The following PLEKHO1 variants were observed in gnomAD, a reference collection of about 807,000 sequenced individuals.
PLEKHO1 encodes the protein pleckstrin homology domain-containing family O member 1.
In PLEKHO1, 22 loss-of-function variants were observed where a neutral mutation model predicts 41.4. The observed-to-expected ratio is 0.53, with a 90% CI of 0.38 to 0.76. The LOEUF is 0.76. PLEKHO1 is among the 30% of genes least tolerant of loss of function. The pLI is 0.00. For synonymous variants in PLEKHO1, 225 were observed against 210.8 expected, an observed-to-expected ratio of 1.07 and a Z score of -0.58; for missense variants, 488 against 518.3, an observed-to-expected ratio of 0.94 and a Z score of 0.57.
intron 2 of PLEKHO1, chr1:150,153,912 G>A (rs1224215228): frequency 1.3e-5 from 2 of 151,640 alleles, no homozygotes; most frequent in African/African-American, 2.4e-5. Context: ...AATTAGATAT[G>A]TGGGGAAAAA....
Position 150,150,980 on chromosome 1 carries a change from G to A in PLEKHO1, c.99G>A (p.Gly33=), listed in dbSNP as rs1401921764. 3 of 1,614,088 alleles carry A rather than the reference G, an allele frequency of 1.9e-6. No individual in the cohort carries two copies. Among genetic ancestry groups the A allele is most frequent in the Non-Finnish European group, 2.5e-6 (3 of 1,180,018 alleles). ...EKVGWVRKFC[G]KGIFREIWKN... is the part of the protein sequence containing the mutation. ...TCGGCTGGGTCCGGAAATTCTGCGG[G>A]AAAGGGATTTTCAGGGAGATTTGGA... The change falls in exon 2 of 6, where the codon GGG becomes GGA. Residue 33 remains glycine, a synonymous_variant. Transcript: ENST00000369124.
Position 150,150,929 on chromosome 1 carries a change from C to T in PLEKHO1, c.48C>T (p.Asn16=). 2 of 1,613,996 alleles carry T rather than the reference C, an allele frequency of 1.2e-6. No individual in the cohort carries two copies. Among genetic ancestry groups the T allele is most frequent in the Non-Finnish European group, 1.7e-6 (2 of 1,179,850 alleles). ...NSAKRGPQDG[N]QQPAPPEKVG... ...TGGGGCAGGGACCTCAGGATGGAAA[C>T]CAGCAGCCTGCACCGCCCGAGAAGG... The change falls in exon 2 of 6, where the codon AAC becomes AAT. Residue 16 remains asparagine (N), a synonymous_variant. Coordinates refer to ENST00000369124, the MANE Select transcript of PLEKHO1 (RefSeq NM_016274.6).
chr1:150,158,346 T>C (rs1416745484), intron 5 of PLEKHO1, among the ~76,000 whole-genome samples: 1 of 152,094 alleles, frequency 6.6e-6, no homozygotes, highest in Non-Finnish European at 1.5e-5. Flanking sequence ...CAAGTCACTA[T>C]CAAAGGAATA....
At chr1:150,158,789 T>C (rs1553821016) in intron 5 of PLEKHO1, 30 bp from the exon 6 acceptor site, 2 of 1,481,120 alleles carry the variant, frequency 1.4e-6, no homozygotes, top group Non-Finnish European at 1.9e-6. Context: ...TGATGACAGG[T>C]TCCCCACTCA....
Position 150,159,193 on chromosome 1 carries a change from C to G in PLEKHO1, c.900C>G (p.Pro300=). The G allele has an allele frequency of 6.2e-7, 1 of 1,613,878 alleles. No homozygotes were observed. The highest frequency in any genetic ancestry group is 8.5e-7 in the Non-Finnish European group (1 of 1,179,878). The change falls in exon 6 of 6, where the codon CCC becomes CCG. Residue 300 remains proline, a synonymous_variant. Transcript: ENST00000369124. ...AGGAACCCCCAACCCCTGCCCTCCCCAACCCGGGGCAGCTGTCCCGGATCC... is the reference window on the plus strand; with the variant it reads ...AGGAACCCCCAACCCCTGCCCTCCCGAACCCGGGGCAGCTGTCCCGGATCC... The part of the protein sequence containing the change: ...RAEEPPTPAL[P]NPGQLSRIQD...
intron 3 of PLEKHO1, 92 bp downstream of exon 3, chr1:150,156,298 A>G (rs1216377834): frequency 7.3e-6 from 8 of 1,099,994 alleles, no homozygotes; most frequent in East Asian, 2.5e-5. Context: ...TCTCTCAGCA[A>G]TCTTGGTTCA....
rs987493586 is a variant in PLEKHO1, at chr1:150,159,605, A to C, written c.*82A>C. On this transcript the variant is annotated 3_prime_UTR_variant, in exon 6 of 6. Coordinates refer to ENST00000369124, the MANE Select transcript of PLEKHO1 (RefSeq NM_016274.6). ...TGGATAAAGCTTTTTTATTTACCTC[A>C]ATCAAAAAAAGAAAACAAAAATGAA... 1 of 948,056 alleles carries C rather than the reference A, an allele frequency of 1.1e-6. No individual in the cohort carries two copies. Among genetic ancestry groups the C allele is most frequent in the African/African-American group, 1.7e-5 (1 of 60,324 alleles). The allele number at this position is 948,056 out of a possible 1,614,324, so 58.7% of individuals were successfully genotyped here. A position where few individuals can be genotyped will look rare whatever the true frequency, so the allele number is the denominator to read the frequency against.
At position 150,150,160 on chromosome 1, in the gene PLEKHO1, C is replaced by T. The variant is rs1476740071; in HGVS notation, c.-98C>T. Reference sequence around the variant, plus strand: ...AGGAGCGGCGGCGCCGGGGCAGCTCCGACGCCCTCCCGCGGGGAAGGAGCC... The same window carrying T: ...AGGAGCGGCGGCGCCGGGGCAGCTCTGACGCCCTCCCGCGGGGAAGGAGCC... On this transcript the variant is annotated 5_prime_UTR_variant, in exon 1 of 6. Transcript: ENST00000369124. The T allele has an allele frequency of 7.1e-6, 3 of 422,586 alleles. No individual in the cohort carries two copies. Among genetic ancestry groups the T allele is most frequent in the Admixed American group, 6.2e-5 (1 of 16,006 alleles). The allele number at this position is 422,586 out of a possible 1,614,324, so 26.2% of individuals were successfully genotyped here. A position where few individuals can be genotyped will look rare whatever the true frequency, so the allele number is the denominator to read the frequency against.
Position 150,150,212 on chromosome 1 carries a change from C to G in PLEKHO1, c.-46C>G. 1 of 999,808 alleles carries G rather than the reference C, an allele frequency of 1.0e-6. No individual in the cohort carries two copies. The highest frequency in any genetic ancestry group is 4.2e-5 in the South Asian group (1 of 23,536). 61.9% of individuals were successfully genotyped at this position (999,808 alleles called of 1,614,324 possible). The stretch of plus-strand genomic sequence containing the variant: ...CCGCGGTGCCGCCGAGGCCCCGACG[C>G]GGGGCCGCCCCTCGGCTCGCCGCCC... On this transcript the variant is annotated 5_prime_UTR_variant, in exon 1 of 6. Coordinates refer to ENST00000369124, the MANE Select transcript of PLEKHO1 (RefSeq NM_016274.6).
intron 2 of PLEKHO1, among the ~76,000 whole-genome samples, chr1:150,151,437 C>T (rs1262171987): frequency 2.6e-5 from 4 of 152,152 alleles, no homozygotes; most frequent in African/African-American, 9.7e-5. Flanking sequence ...CCTTCCTGTC[C>T]CCCCACCTTA....
intron 4 of PLEKHO1, 87 bp from the exon 5 acceptor site, chr1:150,157,298 G>T (rs782761684): frequency 3.1e-6 from 3 of 977,008 alleles, no homozygotes; most frequent in South Asian, 2.6e-5. Context: ...GCAGTGAATG[G>T]AGTGGGCACA....
chr1:150,157,342 G>T, intron 4 of PLEKHO1, 43 bp from the exon 5 acceptor site: 1 of 1,432,146 alleles, frequency 7.0e-7, no homozygotes, highest in Non-Finnish European at 9.9e-7. Flanking sequence ...TTGGGACAGC[G>T]AGTCGCTGAA....
rs200433196 is a variant in PLEKHO1, at chr1:150,157,375, A to G, written c.424-10A>G. 13 of 1,601,220 alleles carry G rather than the reference A, an allele frequency of 8.1e-6. No individual in the cohort carries two copies. The highest frequency in any genetic ancestry group is 3.4e-4 in the Middle Eastern group (2 of 5,968). On this transcript the variant is annotated splice_polypyrimidine_tract_variant and intron_variant, in intron 4 of 5. Transcript: ENST00000369124. ...GAAGAGCACTCATGATTCACAGTACATCTCTTCAGGTCACCGTTGAGGAGG... is the reference window on the plus strand; with the variant it reads ...GAAGAGCACTCATGATTCACAGTACGTCTCTTCAGGTCACCGTTGAGGAGG...
chr1:150,159,729 C>G lies in PLEKHO1; in HGVS notation c.*206C>G, dbSNP rs1448782140. 3.1e-5 allele frequency: 15 copies of G among 486,374 alleles called. No individual in the cohort carries two copies. The Middle Eastern group carries it at 1.6e-3, about 53-fold the overall frequency. 30.1% of individuals were successfully genotyped at this position (486,374 alleles called of 1,614,324 possible). A position where few individuals can be genotyped will look rare whatever the true frequency, so the allele number is the denominator to read the frequency against. ...TGCCCCTCAGGTTTGAGGAAGTGAC[C>G]CCGCAGCAGTAGCAGGAAGTTTTTA... On this transcript the variant is annotated 3_prime_UTR_variant, in exon 6 of 6. Coordinates refer to ENST00000369124, the MANE Select transcript of PLEKHO1 (RefSeq NM_016274.6).
chr1:150,153,387 CTA>C (rs1311328869), intron 2 of PLEKHO1: 1 of 152,096 alleles, frequency 6.6e-6, no homozygotes, highest in African/African-American at 2.4e-5. Context: ...TGGGGTCTCA[CTA>C]TGTTTCCCAG....
At chr1:150,154,320 C>G (rs1307190685) in intron 2 of PLEKHO1, 2 of 152,284 alleles carry the variant, frequency 1.3e-5, no homozygotes, top group Non-Finnish European at 2.9e-5. Flanking sequence ...GCACCTTGTC[C>G]TACTTCCACC....
chr1:150,159,781 T>G lies in PLEKHO1; in HGVS notation c.*258T>G, dbSNP rs1434560208. 4.9e-6 allele frequency: 2 copies of G among 410,846 alleles called. No homozygotes were observed. The highest frequency in any genetic ancestry group is 4.4e-6 in the Non-Finnish European group (1 of 225,838). 25.5% of individuals were successfully genotyped at this position (410,846 alleles called of 1,614,324 possible). On this transcript the variant is annotated 3_prime_UTR_variant, in exon 6 of 6. Transcript: ENST00000369124. ...CCAGCCAGAGAGAGAGAAGGCACGG[T>G]AAAGACACAGTCTGACCACTCCACA...
intron 2 of PLEKHO1, among the ~76,000 whole-genome samples, chr1:150,152,219 A>C (rs1659965653): frequency 1.3e-5 from 2 of 152,240 alleles, no homozygotes; most frequent in African/African-American, 4.8e-5. Flanking sequence ...GGGAAGAACT[A>C]AGCTGTGCCA....
At chr1:150,156,474 G>A (rs1031327019) in intron 3 of PLEKHO1, among the ~76,000 whole-genome samples, 2 of 152,114 alleles carry the variant, frequency 1.3e-5, no homozygotes, top group Non-Finnish European at 2.9e-5. Flanking sequence ...ATCCACACAT[G>A]TGCATATTTA....
Sources: gnomAD v4.1 joint callset for allele counts (sites outside exome capture counted in the v4.1 genomes callset) on GRCh38, gnomAD v4.1.1 for gene constraint, MANE v1.5 for transcripts, NCBI Gene and HGNC (gene_info 2026-07-23, HGNC 2026-07-21) for gene names.